ULK4: variants seen among roughly 807,000 people sequenced by gnomAD.
The protein encoded by ULK4 is inactive serine/threonine-protein kinase ULK4.
In ULK4, 133 loss-of-function variants were observed where a neutral mutation model predicts 160.6. The ratio of observed to expected loss-of-function variants is 0.83; its 90% confidence interval spans 0.72 to 0.96. The LOEUF (loss-of-function observed/expected upper bound fraction) is 0.96, where lower values mean the gene tolerates loss of function less well. Among genes scored for constraint, ULK4 ranks in the 40% least tolerant of loss-of-function variants. The pLI, the probability that ULK4 is intolerant of heterozygous loss-of-function variation, is 0.00. For missense variants in ULK4, 1,580 were observed against 1,499.5 expected, an observed-to-expected ratio of 1.05 and a Z score of -0.89; for synonymous variants, 534 against 539.8, an observed-to-expected ratio of 0.99 and a Z score of 0.15.
chr3:41,559,016 T>C (rs2087438217), intron 32 of ULK4, among the ~76,000 whole-genome samples: 1 of 133,856 alleles, frequency 7.5e-6, no homozygotes, highest in South Asian at 2.6e-4. Context: ...CCTAATGCTA[T>C]CCCTCCCCCC....
intron 33 of ULK4, 147 bp from the exon 34 acceptor site, chr3:41,455,742 G>A (rs890547302): frequency 1.2e-5 from 8 of 654,930 alleles, no homozygotes; most frequent in Admixed American, 8.2e-5. Flanking sequence ...GGAGGCCCCA[G>A]AAGAGATACT....
At chr3:41,783,086 G>A (rs1170269375) in intron 21 of ULK4, among the ~76,000 whole-genome samples, 16 of 151,620 alleles carry the variant, frequency 1.1e-4, no homozygotes, top group Admixed American at 2.0e-4. Flanking sequence ...ATGTCAACGC[G>A]TACATGTGTA....
At chr3:41,653,779 G>A (rs1459855362) in intron 30 of ULK4, among the ~76,000 whole-genome samples, 1 of 152,116 alleles carries the variant, frequency 6.6e-6, no homozygotes, top group African/African-American at 2.4e-5. Context: ...ACAAAAACAG[G>A]CTGCAAGCCA....
intron 21 of ULK4, among the ~76,000 whole-genome samples, chr3:41,754,726 G>A (rs1053878162): frequency 2.6e-5 from 4 of 152,142 alleles, no homozygotes; most frequent in Admixed American, 1.3e-4. Context: ...AGAGAAAAAT[G>A]AATATGGAAA....
intron 29 of ULK4, among the ~76,000 whole-genome samples, chr3:41,679,304 T>G (rs1265092606): frequency 6.6e-6 from 1 of 152,236 alleles, no homozygotes; most frequent in Non-Finnish European, 1.5e-5. Context: ...GCATCCTATT[T>G]AATCTTTAGG....
chr3:41,582,073 C>A (rs1304499114), intron 31 of ULK4, among the ~76,000 whole-genome samples: 1 of 152,136 alleles, frequency 6.6e-6, no homozygotes, highest in Admixed American at 6.5e-5. Flanking sequence ...CCATAATTCC[C>A]ACGTGTTTTG....
chr3:41,912,907 A>T lies in ULK4; in HGVS notation c.804-8T>A. The T allele has an allele frequency of 6.2e-7, 1 of 1,613,760 alleles. No individual in the cohort carries two copies. Among genetic ancestry groups the T allele is most frequent in the South Asian group, 1.1e-5 (1 of 91,032 alleles). ...AGCCTTGTCCAAGTCAATCTTTAAA[A>T]AACATAAATGTTAAAACTCTACTTT... On this transcript the variant is annotated splice_polypyrimidine_tract_variant and splice_region_variant and intron_variant, in intron 8 of 36. Coordinates refer to ENST00000301831, the MANE Select transcript of ULK4 (RefSeq NM_017886.4).
At chr3:41,910,520 T>C (rs748839746) in intron 11 of ULK4, among the ~76,000 whole-genome samples, 5 of 151,702 alleles carry the variant, frequency 3.3e-5, no homozygotes, top group Non-Finnish European at 7.4e-5. Context: ...TGCCTGAACC[T>C]GGGAGGTGGA....
intron 29 of ULK4, among the ~76,000 whole-genome samples, chr3:41,677,274 T>A (rs936529780): frequency 6.6e-6 from 1 of 151,852 alleles, no homozygotes; most frequent in African/African-American, 2.4e-5. Context: ...TATCTCTTTA[T>A]AAATGGTATT....
chr3:41,858,441 C>T (rs543744562), intron 17 of ULK4, among the ~76,000 whole-genome samples: 2 of 151,786 alleles, frequency 1.3e-5, no homozygotes, highest in South Asian at 4.2e-4. Context: ...CATGAGCCAC[C>T]ATGCCCAGCC....
intron 34 of ULK4, 131 bp from the exon 35 acceptor site, chr3:41,398,395 T>A: frequency 2.2e-6 from 2 of 893,462 alleles, no homozygotes; most frequent in East Asian, 5.5e-5. Context: ...TTACTTTTTT[T>A]TTTTTTGAGA....
intron 34 of ULK4, among the ~76,000 whole-genome samples, chr3:41,448,923 T>C (rs1004668789): frequency 2.0e-5 from 3 of 152,190 alleles, no homozygotes; most frequent in Non-Finnish European, 4.4e-5. Context: ...TCTCACTCTG[T>C]CACCCAGGCT....
At chr3:41,522,552 G>C (rs914217850) in intron 32 of ULK4, among the ~76,000 whole-genome samples, 2 of 152,156 alleles carry the variant, frequency 1.3e-5, no homozygotes, top group Non-Finnish European at 2.9e-5. Context: ...ACACTAGGGA[G>C]AAAGCTTTTG....
At chr3:41,410,853 C>T (rs1329075437) in intron 34 of ULK4, among the ~76,000 whole-genome samples, 2 of 152,142 alleles carry the variant, frequency 1.3e-5, no homozygotes, top group East Asian at 1.9e-4. Context: ...AAATGCCATT[C>T]CCCCAAGTGT....
intron 35 of ULK4, among the ~76,000 whole-genome samples, chr3:41,370,421 G>A (rs553296368): frequency 4.6e-5 from 7 of 152,234 alleles, no homozygotes; most frequent in African/African-American, 1.7e-4. Context: ...CCAGAAGGTG[G>A]GTGATTTCTA....
intron 35 of ULK4, among the ~76,000 whole-genome samples, chr3:41,259,244 G>A (rs2078900159): frequency 6.6e-6 from 1 of 152,068 alleles, no homozygotes; most frequent in Non-Finnish European, 1.5e-5. Context: ...GAAAGGAGAT[G>A]GTAGTGTCCT....
intron 17 of ULK4, among the ~76,000 whole-genome samples, chr3:41,860,029 A>G (rs1384859775): frequency 6.6e-6 from 1 of 151,802 alleles, no homozygotes; most frequent in Admixed American, 6.6e-5. Context: ...TTTACTTTCC[A>G]TGTATTTGTA....
At chr3:41,853,569 T>C (rs189940435) in intron 17 of ULK4, among the ~76,000 whole-genome samples, 1 of 152,122 alleles carries the variant, frequency 6.6e-6, no homozygotes, top group Non-Finnish European at 1.5e-5. Flanking sequence ...TGCCACAGGA[T>C]TTTTTGTTTT....
chr3:41,519,663 G>GCA (rs1553687037), intron 32 of ULK4, among the ~76,000 whole-genome samples: 1 of 152,114 alleles, frequency 6.6e-6, no homozygotes. Context: ...GACACAGTGC[G>GCA]CACACGAATA....
Sources: allele counts gnomAD v4.1 joint callset (sites outside exome capture counted in the v4.1 genomes callset), GRCh38; gene constraint gnomAD v4.1.1; transcripts MANE v1.5; gene names NCBI Gene and HGNC (gene_info 2026-07-23, HGNC 2026-07-21).